The following ALK variants were observed in gnomAD, a reference collection of about 807,000 sequenced individuals.
The protein encoded by ALK is ALK receptor tyrosine kinase.
ALK carries 74 observed loss-of-function variants against 163.1 expected under a neutral mutation model. That is an observed-to-expected ratio of 0.45 (90% CI 0.38 to 0.55). ALK has a LOEUF of 0.55. ALK is among the 20% of genes least tolerant of loss of function. The pLI, the probability that ALK is intolerant of heterozygous loss-of-function variation, is 0.00. For missense variants in ALK, 2,063 were observed against 2,105.3 expected, an observed-to-expected ratio of 0.98 and a Z score of 0.39; for synonymous variants, 960 against 843.2, an observed-to-expected ratio of 1.14 and a Z score of -2.40.
intron 3 of ALK, among the ~76,000 whole-genome samples, chr2:29,627,572 C>T (rs1217020352): frequency 1.3e-5 from 2 of 152,136 alleles, no homozygotes; most frequent in African/African-American, 2.4e-5. Flanking sequence ...TGCCTGGCTG[C>T]CTAACTGCTG....
At chr2:29,390,230 T>A (rs966966950) in intron 4 of ALK, among the ~76,000 whole-genome samples, 6 of 152,154 alleles carry the variant, frequency 3.9e-5, no homozygotes, top group Admixed American at 3.3e-4. Context: ...CTACAAGATG[T>A]GGCTATCCTC....
At chr2:29,370,121 T>G (rs1371823782) in intron 5 of ALK, among the ~76,000 whole-genome samples, 1 of 152,208 alleles carries the variant, frequency 6.6e-6, no homozygotes, top group Non-Finnish European at 1.5e-5. Flanking sequence ...AGAGACCACT[T>G]CTTCCTGTCA....
intron 25 of ALK, among the ~76,000 whole-genome samples, chr2:29,209,483 G>GA (rs1669403896): frequency 6.6e-6 from 1 of 150,848 alleles, no homozygotes; most frequent in African/African-American, 2.4e-5. Flanking sequence ...CAGAGGTTGT[G>GA]GTGAGCCGAG....
At chr2:29,835,069 A>C (rs1474823036) in intron 1 of ALK, among the ~76,000 whole-genome samples, 1 of 152,222 alleles carries the variant, frequency 6.6e-6, no homozygotes, top group Non-Finnish European at 1.5e-5. Context: ...TGGGTAAATC[A>C]AGTGGTGACA....
chr2:29,539,049 A>ACC (rs11444826), intron 3 of ALK, among the ~76,000 whole-genome samples: 8 of 151,328 alleles, frequency 5.3e-5, no homozygotes, highest in African/African-American at 1.5e-4. Context: ...TCTCTTCCAC[A>ACC]CCCCCCTCCC....
chr2:29,656,911 C>A (rs1677200753), intron 3 of ALK, among the ~76,000 whole-genome samples: 1 of 152,174 alleles, frequency 6.6e-6, no homozygotes, highest in Admixed American at 6.6e-5. Context: ...AAACTCAGAA[C>A]CTTTTTTCCT....
At chr2:29,606,293 A>G (rs1019288513) in intron 3 of ALK, among the ~76,000 whole-genome samples, 5 of 152,204 alleles carry the variant, frequency 3.3e-5, no homozygotes, top group Non-Finnish European at 7.3e-5. Context: ...ATTCAGAGTT[A>G]TTTTCAGTTT....
chr2:29,745,212 G>C (rs1558469699), intron 1 of ALK, among the ~76,000 whole-genome samples: 1 of 152,182 alleles, frequency 6.6e-6, no homozygotes, highest in Non-Finnish European at 1.5e-5. Flanking sequence ...TTTTACCGAA[G>C]AAGAAACTGA....
intron 4 of ALK, among the ~76,000 whole-genome samples, chr2:29,387,100 C>T (rs1379133013): frequency 1.3e-5 from 2 of 152,146 alleles, no homozygotes; most frequent in Admixed American, 1.3e-4. Flanking sequence ...ATCACTGGTG[C>T]TTCCATCAAT....
intron 4 of ALK, among the ~76,000 whole-genome samples, chr2:29,457,475 T>C (rs1670983891): frequency 6.6e-6 from 1 of 152,168 alleles, no homozygotes; most frequent in African/African-American, 2.4e-5. Context: ...CTATGGCCTC[T>C]GTGTATGGAC....
chr2:29,223,949 AG>A (rs1663830463), intron 19 of ALK: 2 of 315,802 alleles, frequency 6.3e-6, no homozygotes, highest in Admixed American at 9.3e-5. Context: ...TGAACGAGGG[AG>A]GGAGGGAAGG....
chr2:29,321,154 T>C (rs1308390955), intron 6 of ALK, among the ~76,000 whole-genome samples: 1 of 152,220 alleles, frequency 6.6e-6, no homozygotes, highest in East Asian at 1.9e-4. Context: ...TCCAGTTGTA[T>C]ATCTGACAAA....
chr2:29,501,366 T>A (rs1301386562), intron 4 of ALK, among the ~76,000 whole-genome samples: 4 of 152,230 alleles, frequency 2.6e-5, no homozygotes, highest in African/African-American at 9.6e-5. Flanking sequence ...ACCTCTTACT[T>A]GTCAAAGCCA....
chr2:29,553,652 G>C (rs1673771784), intron 3 of ALK, among the ~76,000 whole-genome samples: 1 of 152,150 alleles, frequency 6.6e-6, no homozygotes, highest in African/African-American at 2.4e-5. Context: ...TTGCCTAATA[G>C]AACTGAACTC....
chr2:29,873,545 G>T (rs1186779981), intron 1 of ALK, among the ~76,000 whole-genome samples: 1 of 152,074 alleles, frequency 6.6e-6, no homozygotes, highest in Admixed American at 6.6e-5. Flanking sequence ...GAAGTATAAG[G>T]GACAACTAAA....
intron 1 of ALK, among the ~76,000 whole-genome samples, chr2:29,856,632 C>A (rs1666144931): frequency 6.6e-6 from 1 of 152,172 alleles, no homozygotes. Flanking sequence ...TCCTCTTAGA[C>A]CAGAAGTGGG....
At chr2:29,466,767 G>A (rs982255080) in intron 4 of ALK, among the ~76,000 whole-genome samples, 2 of 152,182 alleles carry the variant, frequency 1.3e-5, no homozygotes, top group African/African-American at 4.8e-5. Context: ...TTGTTTTGAG[G>A]CTGACTAAAA....
intron 6 of ALK, among the ~76,000 whole-genome samples, chr2:29,326,220 G>C (rs879144170): frequency 3.3e-5 from 5 of 152,130 alleles, no homozygotes; most frequent in Non-Finnish European, 5.9e-5. Flanking sequence ...GAGCTGGCCA[G>C]GAAACCAGTA....
At chr2:29,756,313 C>G (rs1680529211) in intron 1 of ALK, among the ~76,000 whole-genome samples, 2 of 152,192 alleles carry the variant, frequency 1.3e-5, no homozygotes, top group Admixed American at 6.5e-5. Flanking sequence ...CAACTCTTTT[C>G]AGATTTTATA....
Sources: gnomAD v4.1 joint callset for allele counts (sites outside exome capture counted in the v4.1 genomes callset) on GRCh38, gnomAD v4.1.1 for gene constraint, MANE v1.5 for transcripts, NCBI Gene and HGNC (gene_info 2026-07-23, HGNC 2026-07-21) for gene names.